ADGRD1: variants seen among roughly 807,000 people sequenced by gnomAD.
The protein encoded by ADGRD1 is adhesion G protein-coupled receptor D1, also known as G-protein coupled receptor 133.
ADGRD1 carries 77 observed loss-of-function variants against 113.4 expected under a neutral mutation model. The ratio of observed to expected loss-of-function variants is 0.68; its 90% confidence interval spans 0.57 to 0.82. The LOEUF (loss-of-function observed/expected upper bound fraction) is 0.82, where lower values mean the gene tolerates loss of function less well. ADGRD1 is among the 40% of genes least tolerant of loss of function. The probability of loss-of-function intolerance (pLI) is 0.00; values close to 1 mark genes in which losing one functional copy is unlikely to be tolerated. For synonymous variants in ADGRD1, 474 were observed against 475.0 expected, an observed-to-expected ratio of 1.00 and a Z score of 0.03; for missense variants, 1,036 against 1,139.1, an observed-to-expected ratio of 0.91 and a Z score of 1.30.
At position 130,972,768 on chromosome 12, in the gene ADGRD1, C is replaced by G. The variant is rs369548935; in HGVS notation, c.310+1188C>G. ...TTTCTGGGTTTCTAGAGAACGGCTT[C>G]TCTTTGGAGTAGAGGCATCCAGAAA... On this transcript the variant is annotated intron_variant, in intron 4 of 24. Transcript: ENST00000261654. 1.2e-4 allele frequency among the ~76,000 whole-genome samples: 19 copies of G among 152,184 alleles called. No homozygotes were observed. The East Asian group carries it at 2.1e-3, about 17-fold the overall frequency.
intron 15 of ADGRD1, among the ~76,000 whole-genome samples, chr12:131,085,012 G>T (rs182958714): frequency 6.0e-4 from 91 of 152,368 alleles, no homozygotes; most frequent in African/African-American, 2.0e-3. Context: ...TGGGAGCCGG[G>T]CGCTGGGGGC....
intron 4 of ADGRD1, among the ~76,000 whole-genome samples, chr12:130,979,815 T>TCACACACACACACACACA (rs1491129989): frequency 2.6e-4 from 37 of 139,832 alleles, no homozygotes; most frequent in African/African-American, 9.0e-4. Context: ...GCAGCTAGTG[T>TCACACACACACACACACA]CTCACACACA....
intron 13 of ADGRD1, among the ~76,000 whole-genome samples, chr12:131,029,668 C>A (rs1203475844): frequency 7.2e-6 from 1 of 139,242 alleles, no homozygotes; most frequent in East Asian, 2.3e-4. Context: ...AGGTTATGGA[C>A]CCCTCGTATG....
Position 130,984,019 on chromosome 12 carries a change from T to A in ADGRD1, c.490+1956T>A, listed in dbSNP as rs1873334513. Among the ~76,000 whole-genome samples, 1 of 151,746 alleles carries A rather than the reference T, an allele frequency of 6.6e-6. No individual in the cohort carries two copies. Among genetic ancestry groups the A allele is most frequent in the South Asian group, 2.1e-4 (1 of 4,788 alleles). ...GGAGGTTCCTGAATGAGCAGGGAGG[T>A]TGGTCTTCCCTCTACCAACTCACTC... On this transcript the variant is annotated intron_variant, in intron 5 of 24. Transcript: ENST00000261654. The surrounding 1 kb of genome is among the most constrained non-coding windows in gnomAD (Gnocchi z 4.1).
rs1252354744 is a variant in ADGRD1, at chr12:130,954,906, TAAGG to T, written c.103+249_103+252del. Among the ~76,000 whole-genome samples the T allele has an allele frequency of 3.9e-5, 2 of 50,844 alleles. No individual in the cohort carries two copies. The highest frequency in any genetic ancestry group is 7.7e-5 in the Non-Finnish European group (2 of 25,980). The allele number at this position is 50,844 out of a possible 152,430, so 33.4% of individuals were successfully genotyped here. A position where few individuals can be genotyped will look rare whatever the true frequency, so the allele number is the denominator to read the frequency against. On this transcript the variant is annotated intron_variant, in intron 2 of 24. Coordinates refer to ENST00000261654, the MANE Select transcript of ADGRD1 (RefSeq NM_198827.5). This position sits in a 1 kb window ranked among gnomAD's most constrained non-coding sequence, Gnocchi z 4.7. ...GCTGGGTCATATGAAACATTGTGAT[TAAGG>T]AAATATGATCTTCATTTGAATGCCT...
At chr12:130,982,954 C>T (rs1198318703) in intron 5 of ADGRD1, among the ~76,000 whole-genome samples, 1 of 152,128 alleles carries the variant, frequency 6.6e-6, no homozygotes, top group Non-Finnish European at 1.5e-5. Context: ...ATGATCTCCT[C>T]CGGTAGGAAA....
intron 8 of ADGRD1, among the ~76,000 whole-genome samples, chr12:130,999,951 T>C (rs1035149096): frequency 2.0e-5 from 3 of 152,210 alleles, no homozygotes; most frequent in African/African-American, 7.2e-5. Context: ...AGCTTCTGCT[T>C]TCTAGAGAGG....
chr12:130,992,106 G>C (rs549569607), intron 7 of ADGRD1, 131 bp from the exon 8 acceptor site: 3 of 679,402 alleles, frequency 4.4e-6, no homozygotes, highest in Admixed American at 5.4e-5. Flanking sequence ...GGGCAACAGA[G>C]CAAGACTCAG....
At chr12:131,111,139 C>T (rs1045570049) in intron 18 of ADGRD1, among the ~76,000 whole-genome samples, 2 of 151,976 alleles carry the variant, frequency 1.3e-5, no homozygotes, top group Non-Finnish European at 2.9e-5. Context: ...ATCACCCAGG[C>T]TGGAGTGCAG....
At chr12:131,054,154 A>G (rs949575399) in intron 13 of ADGRD1, among the ~76,000 whole-genome samples, 3 of 152,246 alleles carry the variant, frequency 2.0e-5, no homozygotes, top group Non-Finnish European at 2.9e-5. Context: ...TGGCAAAAAA[A>G]TAAATGCACA....
At chr12:131,130,211 T>C (rs1223762110) in intron 20 of ADGRD1, among the ~76,000 whole-genome samples, 1 of 152,244 alleles carries the variant, frequency 6.6e-6, no homozygotes, top group Non-Finnish European at 1.5e-5. Flanking sequence ...TTGACTTCTT[T>C]TCCCTTCCCT....
Position 130,966,684 on chromosome 12 carries a change from G to A in ADGRD1, c.187+138G>A. 2 of 657,900 alleles carry A rather than the reference G, an allele frequency of 3.0e-6. No individual in the cohort carries two copies. The highest frequency in any genetic ancestry group is 5.6e-6 in the Non-Finnish European group (2 of 360,136). The allele number at this position is 657,900 out of a possible 1,614,324, so 40.8% of individuals were successfully genotyped here. ...GGTGCTGAGAGTGACTGTGGGCCGG[G>A]GAATCCCAGGGCCATCGGGGAGCAG... On this transcript the variant is annotated intron_variant, in intron 3 of 24. Transcript: ENST00000261654. This position sits in a 1 kb window ranked among gnomAD's most constrained non-coding sequence, Gnocchi z 4.6.
intron 2 of ADGRD1, among the ~76,000 whole-genome samples, chr12:130,961,350 G>A (rs1565982172): frequency 6.6e-6 from 1 of 152,124 alleles, no homozygotes; most frequent in Non-Finnish European, 1.5e-5. Context: ...AATTATTTCT[G>A]AAGAACTGTG....
intron 13 of ADGRD1, among the ~76,000 whole-genome samples, chr12:131,074,762 G>A (rs963756568): frequency 3.3e-5 from 5 of 152,224 alleles, no homozygotes; most frequent in Admixed American, 1.3e-4. Flanking sequence ...AGTGGAGGCT[G>A]TGATGGAACC....
intron 8 of ADGRD1, among the ~76,000 whole-genome samples, chr12:130,998,241 A>G (rs1454287008): frequency 6.6e-6 from 1 of 151,964 alleles, no homozygotes; most frequent in Admixed American, 6.6e-5. Context: ...ATCTTAAATG[A>G]AATTATGTGC....
At chr12:130,987,672 T>G in intron 6 of ADGRD1, 1 of 361,076 alleles carries the variant, frequency 2.8e-6, no homozygotes, top group South Asian at 2.8e-5. Flanking sequence ...CAACAAATGT[T>G]AGCCGTGTGC....
At chr12:131,006,673 G>C (rs567977889) in intron 12 of ADGRD1, among the ~76,000 whole-genome samples, 2 of 152,186 alleles carry the variant, frequency 1.3e-5, no homozygotes, top group African/African-American at 4.8e-5. Flanking sequence ...GGGACCATGA[G>C]GGGGGCGGCG....
Position 131,096,435 on chromosome 12 carries a change from A to G in ADGRD1, c.1672-8396A>G, listed in dbSNP as rs927658888. ...CAAGATAGCACACTTTAAAAAATGT[A>G]TGCACGTATCTTGGAGGTTGCTCCT... On this transcript the variant is annotated intron_variant, in intron 15 of 24. Coordinates refer to ENST00000261654, the MANE Select transcript of ADGRD1 (RefSeq NM_198827.5). This position sits in a 1 kb window ranked among gnomAD's most constrained non-coding sequence, Gnocchi z 5.2. 6.6e-6 allele frequency among the ~76,000 whole-genome samples: 1 copy of G among 152,130 alleles called. No homozygotes were observed. The highest frequency in any genetic ancestry group is 1.5e-5 in the Non-Finnish European group (1 of 68,024).
Position 131,075,555 on chromosome 12 carries a change from T to C in ADGRD1, c.1474-1246T>C, listed in dbSNP as rs977955484. Among the ~76,000 whole-genome samples the C allele has an allele frequency of 4.6e-5, 7 of 152,238 alleles. No homozygotes were observed. Among genetic ancestry groups the C allele is most frequent in the African/African-American group, 1.7e-4 (7 of 41,466 alleles). ...AAGCAAAAAGAGTAAACGTTCCATT[T>C]TGCCAAAACATTAGTAGTAGACAGC... On this transcript the variant is annotated intron_variant, in intron 13 of 24. Transcript: ENST00000261654. This position sits in a 1 kb window ranked among gnomAD's most constrained non-coding sequence, Gnocchi z 5.3.
Sources: gnomAD v4.1 joint callset for allele counts (sites outside exome capture counted in the v4.1 genomes callset) on GRCh38, gnomAD v4.1.1 for gene constraint, Gnocchi (gnomAD v3.1) non-coding constraint, MANE v1.5 for transcripts, NCBI Gene and HGNC (gene_info 2026-07-23, HGNC 2026-07-21) for gene names.